TTC28: variants seen among roughly 807,000 people sequenced by gnomAD.
TTC28 encodes tetratricopeptide repeat domain 28.
A neutral mutation model predicts 198.0 loss-of-function variants in TTC28; 61 were observed. The ratio of observed to expected loss-of-function variants is 0.31; its 90% CI spans 0.25 to 0.38. TTC28 has a LOEUF of 0.38. Ranked by LOEUF, TTC28 falls within the 10% of genes least tolerant of loss-of-function variation. The pLI, the probability that TTC28 is intolerant of heterozygous loss-of-function variation, is 1.00. For missense variants in TTC28, 2,678 were observed against 3,164.0 expected (o/e 0.85, Z 3.69); for synonymous variants, 1,171 against 1,297.8 (o/e 0.90, Z 2.10).
intron 12 of TTC28, among the ~76,000 whole-genome samples, chr22:28,036,606 G>C (rs989429855): frequency 4.6e-5 from 7 of 152,178 alleles, no homozygotes; most frequent in African/African-American, 1.7e-4. Flanking sequence ...ACAATTGAAA[G>C]AACTAGAGAA....
At chr22:28,089,695 A>G (rs5752693) in intron 12 of TTC28, among the ~76,000 whole-genome samples, 8,030 of 149,748 alleles carry the variant, frequency 0.054, 301 homozygotes, top group South Asian at 0.14. Context: ...TAAAATAAAA[A>G]ATAAAAAAAT....
intron 2 of TTC28, among the ~76,000 whole-genome samples, chr22:28,560,145 C>T (rs899750740): frequency 1.3e-5 from 2 of 152,218 alleles, no homozygotes; most frequent in Non-Finnish European, 2.9e-5. Context: ...TGATTCCTCG[C>T]TTTCTTTCAC....
At chr22:28,426,228 AAAAG>A (rs1230469056) in intron 2 of TTC28, among the ~76,000 whole-genome samples, 15 of 151,380 alleles carry the variant, frequency 9.9e-5, no homozygotes, top group Admixed American at 2.0e-4. Context: ...AAAAAAAAAA[AAAAG>A]AAAGAAAGAA....
In TTC28 at chr22:28,115,818, T is replaced by C. The variant is rs146499218; in HGVS notation, c.1442-7415A>G. On this transcript the variant is annotated intron_variant, in intron 6 of 22. Coordinates refer to ENST00000397906, the MANE Select transcript of TTC28 (RefSeq NM_001145418.2). ...GGATGTCTTCAGTGACATTGAGAGT[T>C]TGGTGGCCACTTCTGTTCCAGATCC... Among the ~76,000 whole-genome samples the C allele has an allele frequency of 2.8e-3, 421 of 152,334 alleles. 2 individuals are homozygous for C. Among genetic ancestry groups the C allele is most frequent in the Non-Finnish European group, 4.5e-3 (306 of 68,038 alleles).
intron 1 of TTC28, among the ~76,000 whole-genome samples, chr22:28,635,693 C>T (rs1007272701): frequency 9.2e-5 from 14 of 151,930 alleles, no homozygotes; most frequent in Non-Finnish European, 1.3e-4. Context: ...CCAATAAAGT[C>T]GTATATATAG....
chr22:28,587,993 T>A (rs992482697), intron 2 of TTC28, among the ~76,000 whole-genome samples: 4 of 151,094 alleles, frequency 2.6e-5, no homozygotes, highest in Admixed American at 2.0e-4. Flanking sequence ...TAGAAAAAAA[T>A]TAGCCAGGCG....
At chr22:28,184,148 G>A (rs1923966052) in intron 5 of TTC28, among the ~76,000 whole-genome samples, 1 of 152,036 alleles carries the variant, frequency 6.6e-6, no homozygotes, top group Non-Finnish European at 1.5e-5. Flanking sequence ...TCCACCTTAT[G>A]GGCTTATTAT....
At chr22:28,279,192 C>CAT (rs2044530844) in intron 5 of TTC28, among the ~76,000 whole-genome samples, 1 of 152,114 alleles carries the variant, frequency 6.6e-6, no homozygotes, top group South Asian at 2.1e-4. Context: ...TGCTTTATAA[C>CAT]ATATCTATAC....
At position 27,983,091 on chromosome 22, in the gene TTC28, G is replaced by T. The variant is rs2146494305; in HGVS notation, c.6576C>A (p.Asn2192Lys). Residue 2192 changes from asparagine (N) to lysine (K), a missense_variant, in exon 23 of 23, where the codon AAC (asparagine) becomes AAA (lysine). Physicochemically the swap from Asn to Lys is moderately conservative, Grantham distance 94. Transcript: ENST00000397906. ...TGGGCGCCTGAACGCCGTCTTCAGG[G>T]TTATTACTCTTGCTCACCTGGCCGC... ...RSGGQVSKSN[N>K]PEDGVQAPSS... The T allele has an allele frequency of 6.4e-7, 1 of 1,551,742 alleles. No individual in the cohort carries two copies. The highest frequency in any genetic ancestry group is 8.7e-7 in the Non-Finnish European group (1 of 1,147,014).
chr22:28,353,921 T>C (rs1387701663), intron 2 of TTC28, among the ~76,000 whole-genome samples: 1 of 152,088 alleles, frequency 6.6e-6, no homozygotes. Flanking sequence ...AACAAGCAAA[T>C]GAAAAGACAC....
At chr22:28,521,601 C>A (rs1210006305) in intron 2 of TTC28, among the ~76,000 whole-genome samples, 1 of 152,132 alleles carries the variant, frequency 6.6e-6, no homozygotes, top group African/African-American at 2.4e-5. Context: ...AGGCTCTCCC[C>A]CAGCCGTAAG....
chr22:28,491,873 A>G (rs940501812), intron 2 of TTC28, among the ~76,000 whole-genome samples: 1 of 152,224 alleles, frequency 6.6e-6, no homozygotes, highest in Non-Finnish European at 1.5e-5. Context: ...ATGTCCATCA[A>G]TGATAGACTG....
At chr22:28,493,548 T>C (rs770362783) in intron 2 of TTC28, among the ~76,000 whole-genome samples, 1 of 152,160 alleles carries the variant, frequency 6.6e-6, no homozygotes, top group Non-Finnish European at 1.5e-5. Flanking sequence ...ATCTAATAAA[T>C]GCAGATGGAA....
At chr22:28,247,679 A>C (rs545922617) in intron 5 of TTC28, among the ~76,000 whole-genome samples, 51 of 152,266 alleles carry the variant, frequency 3.3e-4, no homozygotes, top group African/African-American at 1.2e-3. Context: ...GTCTGACCTA[A>C]CTCTTATAGA....
At chr22:28,423,462 A>G (rs2047295316) in intron 2 of TTC28, among the ~76,000 whole-genome samples, 1 of 152,208 alleles carries the variant, frequency 6.6e-6, no homozygotes, top group Admixed American at 6.5e-5. Flanking sequence ...ACTACAGCAC[A>G]TAGCTTTCCC....
chr22:28,661,875 G>A (rs2051754703), intron 1 of TTC28, among the ~76,000 whole-genome samples: 2 of 151,948 alleles, frequency 1.3e-5, no homozygotes, highest in South Asian at 4.1e-4. Flanking sequence ...CCAAAGTTCT[G>A]GGATTACAGG....
intron 5 of TTC28, among the ~76,000 whole-genome samples, chr22:28,239,791 C>A (rs916328517): frequency 6.6e-6 from 1 of 152,058 alleles, no homozygotes; most frequent in African/African-American, 2.4e-5. Context: ...AAGATGAGGA[C>A]CTTGAGCCCC....
chr22:28,422,572 G>GGGA (rs1343818233), intron 2 of TTC28, among the ~76,000 whole-genome samples: 1 of 151,668 alleles, frequency 6.6e-6, no homozygotes, highest in East Asian at 1.9e-4. Context: ...CCGAGTAGCT[G>GGGA]GGACTACAGG....
intron 1 of TTC28, among the ~76,000 whole-genome samples, chr22:28,652,997 A>C (rs911152398): frequency 1.3e-5 from 2 of 151,774 alleles, no homozygotes; most frequent in Non-Finnish European, 2.9e-5. Context: ...CCTCCCTAAA[A>C]CTCCCATTGA....
Sources: allele counts gnomAD v4.1 joint callset (sites outside exome capture counted in the v4.1 genomes callset), GRCh38; gene constraint gnomAD v4.1.1; transcripts MANE v1.5; gene names NCBI Gene and HGNC (gene_info 2026-07-23, HGNC 2026-07-21).